The following EXOC4 variants were observed in gnomAD, a reference collection of about 807,000 sequenced individuals.
EXOC4 encodes exocyst complex component 4.
EXOC4 carries 71 observed loss-of-function variants against 107.2 expected under a neutral mutation model. The ratio of observed to expected loss-of-function variants is 0.66; its 90% confidence interval spans 0.55 to 0.81. The LOEUF is 0.81. Ranked by LOEUF, EXOC4 falls within the 30% of genes least tolerant of loss-of-function variation. The pLI is 0.00. For missense variants in EXOC4, 1,108 were observed against 1,189.6 expected (o/e 0.93, Z 1.01); for synonymous variants, 456 against 441.2 (o/e 1.03, Z -0.42).
chr7:133,364,157 A>G (rs187894265), intron 6 of EXOC4, among the ~76,000 whole-genome samples: 1 of 151,902 alleles, frequency 6.6e-6, no homozygotes, highest in African/African-American at 2.4e-5. Context: ...ATGTGGTCTC[A>G]CTCTGTCGCT....
chr7:134,076,705 G>GTATA, the EXOC4 span, among the ~76,000 whole-genome samples: 1,241 of 147,078 alleles, frequency 8.4e-3, 6 homozygotes, highest in South Asian at 0.022. Flanking sequence ...ATCTATAATT[G>GTATA]TATATATATA....
At position 133,757,458 on chromosome 7, in the gene EXOC4, A is replaced by G. The variant is rs1034023369; in HGVS notation, c.1515-59867A>G. ...AAGTGTCCAGGTTGAGATGAGAGAG[A>G]GGAATGTTAGACAGCCCTTTTCCTG... On this transcript the variant is annotated intron_variant, in intron 10 of 17. Transcript: ENST00000253861. 1.1e-4 allele frequency among the ~76,000 whole-genome samples: 17 copies of G among 152,292 alleles called. No homozygotes were observed. The South Asian group carries it at 1.4e-3, about 13-fold the overall frequency.
chr7:133,948,892 C>T lies in EXOC4; in HGVS notation c.2206+10823C>T, dbSNP rs544225715. On this transcript the variant is annotated intron_variant, in intron 14 of 17. Transcript: ENST00000253861. Reference sequence around the variant, plus strand: ...GGAAAAACAACATAATCACCTATTACGAGTTACGAGTGACAGAGTTACAAG... The same window carrying T: ...GGAAAAACAACATAATCACCTATTATGAGTTACGAGTGACAGAGTTACAAG... Among the ~76,000 whole-genome samples, 18 of 152,306 alleles carry T rather than the reference C, an allele frequency of 1.2e-4. No individual in the cohort carries two copies. The East Asian group carries it at 2.3e-3, about 20-fold the overall frequency.
At chr7:133,613,894 T>C (rs1802129313) in intron 9 of EXOC4, among the ~76,000 whole-genome samples, 1 of 152,098 alleles carries the variant, frequency 6.6e-6, no homozygotes, top group Non-Finnish European at 1.5e-5. Context: ...GGGAAGTCAT[T>C]ATATGGTAAC....
intron 10 of EXOC4, among the ~76,000 whole-genome samples, chr7:133,679,427 G>A (rs61379896): frequency 0.012 from 1,889 of 152,066 alleles, 45 homozygotes; most frequent in African/African-American, 0.042. Flanking sequence ...TTAATGTTCT[G>A]GAGGCCTCTG....
At chr7:133,782,337 C>T (rs1796485524) in intron 10 of EXOC4, among the ~76,000 whole-genome samples, 1 of 152,088 alleles carries the variant, frequency 6.6e-6, no homozygotes, top group Non-Finnish European at 1.5e-5. Flanking sequence ...AGCAAGTATC[C>T]CTCCTTGGTT....
At chr7:133,586,738 C>G (rs912714613) in intron 9 of EXOC4, among the ~76,000 whole-genome samples, 1 of 152,218 alleles carries the variant, frequency 6.6e-6, no homozygotes, top group Non-Finnish European at 1.5e-5. Context: ...TCATAGTACA[C>G]AGTCTTTGAC....
At chr7:133,496,561 T>C (rs1057103432) in intron 9 of EXOC4, among the ~76,000 whole-genome samples, 1 of 152,232 alleles carries the variant, frequency 6.6e-6, no homozygotes, top group Non-Finnish European at 1.5e-5. Context: ...TTTAGCGGCT[T>C]TTCTTACTAG....
intron 14 of EXOC4, among the ~76,000 whole-genome samples, chr7:133,997,085 G>A (rs1052691656): frequency 5.9e-5 from 9 of 152,118 alleles, no homozygotes; most frequent in East Asian, 1.9e-4. Context: ...GTTTCCTTTC[G>A]CCAGCATTTG....
chr7:133,255,709 C>T (rs906147957), intron 1 of EXOC4, among the ~76,000 whole-genome samples: 2 of 152,152 alleles, frequency 1.3e-5, no homozygotes, highest in Non-Finnish European at 2.9e-5. Context: ...ATGTTGGTAG[C>T]TATAACTTCC....
intron 17 of EXOC4, among the ~76,000 whole-genome samples, chr7:134,061,926 G>C (rs775322733): frequency 3.3e-5 from 5 of 152,208 alleles, no homozygotes; most frequent in Non-Finnish European, 7.3e-5. Flanking sequence ...GTTCACGTGA[G>C]TTTTATGCTA....
chr7:133,628,577 A>G (rs941159122), intron 9 of EXOC4, among the ~76,000 whole-genome samples: 2 of 152,222 alleles, frequency 1.3e-5, no homozygotes, highest in African/African-American at 4.8e-5. Flanking sequence ...GTGGCAAGAA[A>G]CATAAGTGGG....
chr7:133,976,257 C>G (rs918810698), intron 14 of EXOC4, among the ~76,000 whole-genome samples: 3 of 151,500 alleles, frequency 2.0e-5, no homozygotes, highest in African/African-American at 7.4e-5. Context: ...CAGAACCACT[C>G]TAACCTCTCT....
At chr7:133,257,732 T>C in intron 1 of EXOC4, among the ~76,000 whole-genome samples, 1 of 152,216 alleles carries the variant, frequency 6.6e-6, no homozygotes, top group Admixed American at 6.5e-5. Flanking sequence ...CAAGGAGGTT[T>C]GAAGGCAGTG....
chr7:134,085,357 T>G, the EXOC4 span, among the ~76,000 whole-genome samples: 1 of 151,864 alleles, frequency 6.6e-6, no homozygotes, highest in Non-Finnish European at 1.5e-5. Flanking sequence ...CAACTTTTTT[T>G]AAACTCTGGA....
intron 13 of EXOC4, among the ~76,000 whole-genome samples, chr7:133,928,618 C>G (rs372646972): frequency 6.6e-6 from 1 of 152,278 alleles, no homozygotes; most frequent in East Asian, 1.9e-4. Flanking sequence ...CCACGCTGCA[C>G]CCTCCTCCCC....
chr7:134,099,693 G>A, the EXOC4 span, among the ~76,000 whole-genome samples: 2 of 151,742 alleles, frequency 1.3e-5, no homozygotes, highest in African/African-American at 4.8e-5. Context: ...ACCTCGCCAG[G>A]CTAATTTTTT....
chr7:133,676,842 T>G (rs560756097), intron 10 of EXOC4, among the ~76,000 whole-genome samples: 111 of 152,014 alleles, frequency 7.3e-4, no homozygotes, highest in African/African-American at 2.6e-3. Flanking sequence ...ACAGTAGGAG[T>G]TTCTTATGTA....
chr7:133,918,107 C>G (rs1462464945), intron 13 of EXOC4, among the ~76,000 whole-genome samples: 1 of 151,566 alleles, frequency 6.6e-6, no homozygotes, highest in Admixed American at 6.6e-5. Flanking sequence ...CTCAGCCTCC[C>G]AAGTAGCTGG....
Sources: allele counts gnomAD v4.1 joint callset (sites outside exome capture counted in the v4.1 genomes callset), GRCh38; gene constraint gnomAD v4.1.1; transcripts MANE v1.5; gene names NCBI Gene and HGNC (gene_info 2026-07-23, HGNC 2026-07-21).